Variants in KTN1 observed in about 807,000 individuals in gnomAD.
KTN1 encodes the protein kinectin.
A neutral mutation model predicts 222.5 loss-of-function variants in KTN1; 130 were observed. The observed-to-expected ratio is 0.58, with a 90% CI of 0.51 to 0.68. KTN1 has a LOEUF of 0.68. KTN1 is among the 30% of genes least tolerant of loss of function. The probability of loss-of-function intolerance (pLI) is 0.00; values close to 1 mark genes in which losing one functional copy is unlikely to be tolerated. For synonymous variants in KTN1, 512 were observed against 496.3 expected, an observed-to-expected ratio of 1.03 and a Z score of -0.42; for missense variants, 1,508 against 1,500.4, an observed-to-expected ratio of 1.01 and a Z score of -0.08.
At chr14:55,589,917 A>C (rs1025948074) in intron 1 of KTN1, among the ~76,000 whole-genome samples, 2 of 152,006 alleles carry the variant, frequency 1.3e-5, no homozygotes, top group African/African-American at 4.8e-5. Flanking sequence ...TCAGCCTCCT[A>C]AAGTGCTGGG....
intron 3 of KTN1, among the ~76,000 whole-genome samples, chr14:55,617,616 T>G (rs888422758): frequency 6.6e-6 from 1 of 152,182 alleles, no homozygotes; most frequent in African/African-American, 2.4e-5. Flanking sequence ...AAATAAAAAC[T>G]AATAGTTTTC....
At chr14:55,598,259 C>T (rs984436271) in intron 1 of KTN1, among the ~76,000 whole-genome samples, 4 of 151,984 alleles carry the variant, frequency 2.6e-5, no homozygotes, top group Admixed American at 1.3e-4. Flanking sequence ...CATGGTGAAA[C>T]CCCGTCTCTA....
intron 33 of KTN1, among the ~76,000 whole-genome samples, 174 bp downstream of exon 33, chr14:55,664,215 TG>T: frequency 2.0e-5 from 3 of 152,302 alleles, no homozygotes; most frequent in Middle Eastern, 3.4e-3. Flanking sequence ...GCTTTAATTT[TG>T]GGCATGCTGA....
At position 55,684,130 on chromosome 14, in the gene KTN1, G is replaced by A; in HGVS notation, c.*27G>A. 6.3e-7 allele frequency: 1 copy of A among 1,578,686 alleles called. No homozygotes were observed. The highest frequency in any genetic ancestry group is 1.1e-5 in the South Asian group (1 of 88,114). ...GTAATTGGGAAACTGTTCATTTGAG[G>A]ATAAAAAAGGCATTGTATTATATTT... On this transcript the variant is annotated 3_prime_UTR_variant, in exon 44 of 44. Coordinates refer to ENST00000395314, the MANE Select transcript of KTN1 (RefSeq NM_001079521.2).
At chr14:55,596,768 C>G (rs748199012) in intron 1 of KTN1, among the ~76,000 whole-genome samples, 11 of 151,032 alleles carry the variant, frequency 7.3e-5, no homozygotes, top group Non-Finnish European at 1.3e-4. Context: ...CTTAGGTTTC[C>G]TATTATTGCG....
chr14:55,584,176 A>G (rs566643541), intron 1 of KTN1, among the ~76,000 whole-genome samples: 2 of 152,330 alleles, frequency 1.3e-5, no homozygotes, highest in South Asian at 2.1e-4. Context: ...CCTTAAGGCC[A>G]TGCAGAATCT....
At chr14:55,661,090 A>G (rs904098062) in intron 31 of KTN1, among the ~76,000 whole-genome samples, 7 of 152,138 alleles carry the variant, frequency 4.6e-5, no homozygotes, top group Non-Finnish European at 7.4e-5. Flanking sequence ...TTAATATTAT[A>G]CTTTTGTTGT....
At chr14:55,677,277 A>C (rs1359423327) in intron 41 of KTN1, among the ~76,000 whole-genome samples, 1 of 152,102 alleles carries the variant, frequency 6.6e-6, no homozygotes, top group Admixed American at 6.5e-5. Context: ...GGAGTTCAAG[A>C]CCAGCCTGGC....
At chr14:55,638,221 A>G (rs897138600) in intron 12 of KTN1, among the ~76,000 whole-genome samples, 10 of 151,880 alleles carry the variant, frequency 6.6e-5, no homozygotes, top group African/African-American at 2.4e-4. Flanking sequence ...CAGCAGGGGG[A>G]ACAGTATGGT....
intron 18 of KTN1, among the ~76,000 whole-genome samples, chr14:55,643,580 TAG>T (rs1406897167): frequency 6.6e-6 from 1 of 152,208 alleles, no homozygotes; most frequent in Non-Finnish European, 1.5e-5. Flanking sequence ...AACAAATGCT[TAG>T]AAACTTCTGA....
In KTN1 at chr14:55,650,636, A is replaced by G. The variant is rs2042843996; in HGVS notation, c.2564A>G (p.Gln855Arg). The G allele has an allele frequency of 6.2e-7, 1 of 1,603,386 alleles. No individual in the cohort carries two copies. Among genetic ancestry groups the G allele is most frequent in the Non-Finnish European group, 8.5e-7 (1 of 1,170,788 alleles). The change falls in exon 24 of 44, where the codon CAG (glutamine) becomes CGG (arginine). Residue 855 changes from glutamine (Q) to arginine (R), a missense_variant and splice_region_variant. By Grantham distance (43) the Gln-to-Arg change is conservative (BLOSUM62 1). Coordinates refer to ENST00000395314, the MANE Select transcript of KTN1 (RefSeq NM_001079521.2). ...IGNVQLEKAQ[Q>R]LSITSKVQEL... ...AATGTCCAGCTTGAAAAGGCTCAAC[A>G]GGTAAAAATCCCAGAGCCATAGCAT...
chr14:55,606,341 T>C (rs555827149), intron 1 of KTN1, among the ~76,000 whole-genome samples: 1 of 152,310 alleles, frequency 6.6e-6, no homozygotes, highest in East Asian at 1.9e-4. Flanking sequence ...CTTACTGTTT[T>C]TGTTTTTTTC....
chr14:55,624,615 A>G (rs1283567830), intron 5 of KTN1, among the ~76,000 whole-genome samples: 1 of 152,226 alleles, frequency 6.6e-6, no homozygotes, highest in East Asian at 1.9e-4. Flanking sequence ...AACAGTACAT[A>G]TGGTAGATGT....
chr14:55,608,109 C>T (rs1009111171), intron 1 of KTN1, among the ~76,000 whole-genome samples: 1 of 152,146 alleles, frequency 6.6e-6, no homozygotes. Context: ...GCTAAATTAA[C>T]TTTGTCTCAA....
chr14:55,597,369 C>G (rs2035228904), intron 1 of KTN1, among the ~76,000 whole-genome samples: 1 of 152,124 alleles, frequency 6.6e-6, no homozygotes, highest in African/African-American at 2.4e-5. Flanking sequence ...AAGCAAATGC[C>G]TCTTAATTTC....
chr14:55,678,334 A>C lies in KTN1; in HGVS notation c.3856-18A>C. On this transcript the variant is annotated intron_variant, in intron 41 of 43. Coordinates refer to ENST00000395314, the MANE Select transcript of KTN1 (RefSeq NM_001079521.2). ...TCAACTGTATTACTTAGTAGCTACCATATTGTTTTCCTTATAGGCTCAACA... is the reference window on the plus strand; with the variant it reads ...TCAACTGTATTACTTAGTAGCTACCCTATTGTTTTCCTTATAGGCTCAACA... 6.9e-7 allele frequency: 1 copy of C among 1,454,700 alleles called. No homozygotes were observed. The highest frequency in any genetic ancestry group is 9.7e-7 in the Non-Finnish European group (1 of 1,035,128). The allele number at this position is 1,454,700 out of a possible 1,614,324, so 90.1% of individuals were successfully genotyped here. A position where few individuals can be genotyped will look rare whatever the true frequency, so the allele number is the denominator to read the frequency against.
At chr14:55,603,916 G>A (rs2036351957) in intron 1 of KTN1, among the ~76,000 whole-genome samples, 1 of 152,098 alleles carries the variant, frequency 6.6e-6, no homozygotes, top group South Asian at 2.1e-4. Flanking sequence ...CCCACATCCA[G>A]TCCATCAACA....
At position 55,644,735 on chromosome 14, in the gene KTN1, A is replaced by G. The variant is rs74828148; in HGVS notation, c.2173-2238A>G. Among the ~76,000 whole-genome samples, 900 of 152,218 alleles carry G rather than the reference A, an allele frequency of 5.9e-3. 8 individuals carry two copies. The highest frequency in any genetic ancestry group is 0.023 in the South Asian group (110 of 4,818). ...GCCTTGTTAAATTGTATTGCAGAAT[A>G]TATTGTATATGGTTTAGTTTTGGAA... is the stretch of plus-strand genomic sequence containing the variant. On this transcript the variant is annotated intron_variant, in intron 18 of 43. Transcript: ENST00000395314.
intron 42 of KTN1, chr14:55,679,338 C>T: frequency 1.6e-5 from 6 of 383,762 alleles, no homozygotes; most frequent in South Asian, 8.2e-5. Context: ...CTTTTGTGTC[C>T]AAGTGACAAC....
Sources: gnomAD v4.1 joint callset for allele counts (sites outside exome capture counted in the v4.1 genomes callset) on GRCh38, gnomAD v4.1.1 for gene constraint, MANE v1.5 for transcripts, NCBI Gene and HGNC (gene_info 2026-07-23, HGNC 2026-07-21) for gene names.